ZSCAN26: variants seen among roughly 807,000 people sequenced by gnomAD.
ZSCAN26 encodes the protein zinc finger and SCAN domain containing 26, also known as zinc finger and SCAN domain-containing protein 26.
In ZSCAN26, 26 loss-of-function variants were observed where a neutral mutation model predicts 23.0. The observed-to-expected ratio is 1.13, with a 90% CI of 0.83 to 1.57. The LOEUF is 1.57. Among genes scored for constraint, ZSCAN26 ranks in the 40% most tolerant of loss-of-function variants. The pLI is 0.00. For missense variants in ZSCAN26, 528 were observed against 568.5 expected (o/e 0.93, Z 0.72); for synonymous variants, 180 against 202.5 (o/e 0.89, Z 0.94).
Position 28,276,647 on chromosome 6 carries a change from A to C in ZSCAN26, c.991A>C (p.Arg331=). ...GAATGCAGGCCTTTTGGAACATCTC[A>C]GAATTCATACTGGAGAGAAACCTTA... is the stretch of plus-strand genomic sequence containing the variant. ...SQNAGLLEHL[R]IHTGEKPYLC... is the part of the protein sequence containing the mutation. The change falls in exon 4 of 4, where the codon AGA becomes CGA. Residue 331 remains arginine, a synonymous_variant. Transcript: ENST00000421553. 1 of 1,611,778 alleles carries C rather than the reference A, an allele frequency of 6.2e-7. No individual in the cohort carries two copies. The highest frequency in any genetic ancestry group is 8.5e-7 in the Non-Finnish European group (1 of 1,178,826).
chr6:28,275,062 T>C (rs565245667), intron 3 of ZSCAN26, among the ~76,000 whole-genome samples: 2 of 152,226 alleles, frequency 1.3e-5, no homozygotes, highest in Non-Finnish European at 1.5e-5. Context: ...GTCTCCTTAC[T>C]AATTCCTTCA....
chr6:28,278,169 G>C lies in ZSCAN26; in HGVS notation c.*1073G>C, dbSNP rs1762026656. The C allele has an allele frequency of 6.6e-6, 1 of 152,150 alleles. No homozygotes were observed. The highest frequency in any genetic ancestry group is 2.4e-5 in the African/African-American group (1 of 41,426). The allele number at this position is 152,150 out of a possible 1,614,324, so 9.4% of individuals were successfully genotyped here. On this transcript the variant is annotated 3_prime_UTR_variant, in exon 4 of 4. Coordinates refer to ENST00000421553, the MANE Select transcript of ZSCAN26 (RefSeq NM_001023560.4). ...TATATCCTGGTCTTGGGAGTCCATA[G>C]AATACTGTTTCCTTCTAATAAAGGT...
At chr6:28,274,285 C>T (rs1410402701) in intron 3 of ZSCAN26, among the ~76,000 whole-genome samples, 2 of 152,100 alleles carry the variant, frequency 1.3e-5, no homozygotes, top group African/African-American at 4.8e-5. Context: ...GCTTTACATG[C>T]TACCTATTCC....
rs563439574 is a variant in ZSCAN26, at chr6:28,277,802, A to G, written c.*706A>G. ...TTACTTAGACTTTGAAAGAGATTTC[A>G]TGAGTAATTTGAATGAACCTTGCTG... On this transcript the variant is annotated 3_prime_UTR_variant, in exon 4 of 4. Transcript: ENST00000421553. The G allele has an allele frequency of 5.3e-5, 8 of 152,370 alleles. No homozygotes were observed. The highest frequency in any genetic ancestry group is 2.6e-4 in the Admixed American group (4 of 15,306). 9.4% of individuals were successfully genotyped at this position (152,370 alleles called of 1,614,324 possible).
intron 3 of ZSCAN26, 60 bp from the exon 4 acceptor site, chr6:28,276,135 A>C: frequency 2.7e-6 from 4 of 1,464,704 alleles, no homozygotes; most frequent in Middle Eastern, 2.3e-4. Flanking sequence ...TTTTAGTTGC[A>C]GATTCCTTTC....
intron 1 of ZSCAN26, among the ~76,000 whole-genome samples, chr6:28,270,818 ATCTT>A (rs542466199): frequency 1.1e-3 from 164 of 152,304 alleles, no homozygotes; most frequent in Non-Finnish European, 2.1e-3. Flanking sequence ...CACTAATGAC[ATCTT>A]TGTTTTTGAA....
chr6:28,268,704 T>C (rs1761549649), intron 1 of ZSCAN26, among the ~76,000 whole-genome samples: 1 of 152,226 alleles, frequency 6.6e-6, no homozygotes, highest in Non-Finnish European at 1.5e-5. Context: ...GTCAGTTTTC[T>C]GGCTCAAATA....
chr6:28,271,739 G>T, intron 1 of ZSCAN26, 115 bp from the exon 2 acceptor site: 1 of 592,654 alleles, frequency 1.7e-6, no homozygotes, highest in Non-Finnish European at 2.9e-6. Context: ...GTTTAGAAAT[G>T]GTTGTTTTAG....
At chr6:28,274,762 C>T (rs1034438339) in intron 3 of ZSCAN26, among the ~76,000 whole-genome samples, 3 of 152,134 alleles carry the variant, frequency 2.0e-5, no homozygotes, top group Admixed American at 6.5e-5. Context: ...AATGTAATGT[C>T]AGTAGACTCT....
At position 28,273,408 on chromosome 6, in the gene ZSCAN26, G is replaced by A. The variant is rs1047671528; in HGVS notation, c.538+621G>A. On this transcript the variant is annotated intron_variant, in intron 3 of 3. Coordinates refer to ENST00000421553, the MANE Select transcript of ZSCAN26 (RefSeq NM_001023560.4). ...AATACAAAAATTAGCCAGGTTTGGTGGCGGGTGCCTGTAATCCCAGCTACT... is the reference window on the plus strand; with the variant it reads ...AATACAAAAATTAGCCAGGTTTGGTAGCGGGTGCCTGTAATCCCAGCTACT... 1.7e-4 allele frequency among the ~76,000 whole-genome samples: 26 copies of A among 152,144 alleles called. 1 individual carries two copies. The highest frequency in any genetic ancestry group is 6.3e-4 in the African/African-American group (26 of 41,424).
rs529586828 is a variant in ZSCAN26, at chr6:28,278,011, T to C, written c.*915T>C. On this transcript the variant is annotated 3_prime_UTR_variant, in exon 4 of 4. Transcript: ENST00000421553. The stretch of plus-strand genomic sequence containing the variant: ...TCGGAAGTTAAACAATAAAGTCAGC[T>C]TGGAGAGGAGATCATGATCTTTATA... 2.6e-5 allele frequency: 4 copies of C among 152,282 alleles called. No individual in the cohort carries two copies. The East Asian group carries it at 7.7e-4, about 29-fold the overall frequency. The allele number at this position is 152,282 out of a possible 1,614,324, so 9.4% of individuals were successfully genotyped here.
chr6:28,272,646 C>G (rs1369819078), intron 2 of ZSCAN26, 24 bp from the exon 3 acceptor site: 1 of 1,539,186 alleles, frequency 6.5e-7, no homozygotes, highest in East Asian at 2.4e-5. Context: ...CTAATTATGC[C>G]TCCATATACC....
intron 1 of ZSCAN26, among the ~76,000 whole-genome samples, chr6:28,269,493 G>A (rs185033387): frequency 6.6e-6 from 1 of 152,280 alleles, no homozygotes; most frequent in Admixed American, 6.5e-5. Context: ...TTCAGAGTGA[G>A]TTTTCAGGCT....
At position 28,278,054 on chromosome 6, in the gene ZSCAN26, T is replaced by G. The variant is rs1561880813; in HGVS notation, c.*958T>G. 6.6e-6 allele frequency: 1 copy of G among 152,136 alleles called. No individual in the cohort carries two copies. The highest frequency in any genetic ancestry group is 2.4e-5 in the African/African-American group (1 of 41,424). 9.4% of individuals were successfully genotyped at this position (152,136 alleles called of 1,614,324 possible). A position where few individuals can be genotyped will look rare whatever the true frequency, so the allele number is the denominator to read the frequency against. On this transcript the variant is annotated 3_prime_UTR_variant, in exon 4 of 4. Coordinates refer to ENST00000421553, the MANE Select transcript of ZSCAN26 (RefSeq NM_001023560.4). Reference sequence around the variant, plus strand: ...TCTTTATACTGTGAATAGCAGAATGTCACAGATGAAGAATATTAAAATTAG... The same window carrying G: ...TCTTTATACTGTGAATAGCAGAATGGCACAGATGAAGAATATTAAAATTAG...
chr6:28,271,821 C>T (rs1761697108), intron 1 of ZSCAN26, 33 bp from the exon 2 acceptor site: 2 of 1,063,802 alleles, frequency 1.9e-6, no homozygotes, highest in Non-Finnish European at 2.7e-6. Context: ...AGTACTATTA[C>T]TGTTTCTGTC....
rs2113733566 is a variant in ZSCAN26, at chr6:28,278,060, A to G, written c.*964A>G. The G allele has an allele frequency of 6.6e-6, 1 of 152,340 alleles. No homozygotes were observed. The highest frequency in any genetic ancestry group is 2.1e-4 in the South Asian group (1 of 4,830). The allele number at this position is 152,340 out of a possible 1,614,324, so 9.4% of individuals were successfully genotyped here. On this transcript the variant is annotated 3_prime_UTR_variant, in exon 4 of 4. Coordinates refer to ENST00000421553, the MANE Select transcript of ZSCAN26 (RefSeq NM_001023560.4). Reference sequence around the variant, plus strand: ...TACTGTGAATAGCAGAATGTCACAGATGAAGAATATTAAAATTAGGGGCGT... The same window carrying G: ...TACTGTGAATAGCAGAATGTCACAGGTGAAGAATATTAAAATTAGGGGCGT...
At position 28,272,191 on chromosome 6, in the gene ZSCAN26, T is replaced by C. The variant is rs1313601989; in HGVS notation, c.272T>C (p.Leu91Pro). 2 of 1,613,938 alleles carry C rather than the reference T, an allele frequency of 1.2e-6. No homozygotes were observed. The highest frequency in any genetic ancestry group is 1.7e-6 in the Non-Finnish European group (2 of 1,179,998). The change falls in exon 2 of 4, where the codon CTG (leucine) becomes CCG (proline). Residue 91 changes from leucine (L) to proline (P), a missense_variant. Coordinates refer to ENST00000421553, the MANE Select transcript of ZSCAN26 (RefSeq NM_001023560.4). ...GAGACCCATACCAAGGAGCAGATCC[T>C]GGAGCTGCTGGTGCTGGAGCAGTTT... ...QPETHTKEQILELLVLEQFLI... is the reference protein window; with the variant it reads ...QPETHTKEQIPELLVLEQFLI...
rs745864418 is a variant in ZSCAN26 at position 28,276,961 on chromosome 6, C to T, written c.1305C>T (p.Asn435=). Residue 435 remains asparagine (N), a synonymous_variant, in exon 4 of 4, where the codon AAC becomes AAT. Transcript: ENST00000421553. ...TATGCCAGAAAGCCTTCCGACTAAA[C>T]TCACACCTTGCTCAGCATGTAAGAA... is the stretch of plus-strand genomic sequence containing the variant. ...CNICQKAFRL[N]SHLAQHVRIH... 1.9e-6 allele frequency: 3 copies of T among 1,614,024 alleles called. No individual in the cohort carries two copies. Among genetic ancestry groups the T allele is most frequent in the South Asian group, 2.2e-5 (2 of 91,082 alleles).
rs777992876 is a variant in ZSCAN26, at chr6:28,272,285, GGTT to G, written c.373_375del (p.Val125del). 8.8e-6 allele frequency: 14 copies of G among 1,594,036 alleles called. No individual in the cohort carries two copies. In the African/African-American group the frequency reaches 1.5e-4, roughly 17 times the overall value. On this transcript the variant is annotated inframe_deletion, in exon 2 of 4. Transcript: ENST00000421553. ...ATCACCCAGAGAGCAGGGAGGACGT[GGTT>G]GTTGTTCTGGAGGATTTGCAGCTGG...
Sources: allele counts gnomAD v4.1 joint callset (sites outside exome capture counted in the v4.1 genomes callset), GRCh38; gene constraint gnomAD v4.1.1; transcripts MANE v1.5; gene names NCBI Gene and HGNC (gene_info 2026-07-23, HGNC 2026-07-21).